The following YWHAH variants were observed in gnomAD, a reference collection of about 807,000 sequenced individuals.
The protein encoded by YWHAH is 14-3-3 protein eta.
Under a neutral mutation model 22.9 loss-of-function variants are expected in YWHAH, and 6 were observed. That is an observed-to-expected ratio of 0.26 (90% CI 0.14 to 0.52). The LOEUF is 0.52. YWHAH is among the 20% of genes least tolerant of loss of function. The probability of loss-of-function intolerance (pLI) is 0.97; values close to 1 mark genes in which losing one functional copy is unlikely to be tolerated. For synonymous variants in YWHAH, 135 were observed against 124.5 expected (o/e 1.08, Z -0.56); for missense variants, 173 against 308.6 (o/e 0.56, Z 3.29).
At chr22:31,945,762 C>T in intron 1 of YWHAH, 1 of 1,086,158 alleles carries the variant, frequency 9.2e-7, no homozygotes, top group Non-Finnish European at 1.2e-6. Flanking sequence ...AGTGTACAAC[C>T]TCCTGAGACC....
rs918146201 is a variant in YWHAH, at chr22:31,955,787, T to C, written c.88-352T>C. Among the ~76,000 whole-genome samples, 3 of 152,274 alleles carry C rather than the reference T, an allele frequency of 2.0e-5. No individual in the cohort carries two copies. The East Asian group carries it at 5.8e-4, about 29-fold the overall frequency. ...GAATGGCTGAAGCTCGAGGTTTTCTTCTTCACCATTATGTACTGCTGCTGT... is the reference window on the plus strand; with the variant it reads ...GAATGGCTGAAGCTCGAGGTTTTCTCCTTCACCATTATGTACTGCTGCTGT... On this transcript the variant is annotated intron_variant, in intron 1 of 1. Transcript: ENST00000248975.
chr22:31,945,562 C>G (rs748034718), intron 1 of YWHAH: 1 of 1,304,160 alleles, frequency 7.7e-7, no homozygotes, highest in South Asian at 1.2e-5. Flanking sequence ...TGCAGCTTCT[C>G]CGGTGGATGA....
Position 31,956,835 on chromosome 22 carries a change from C to T in YWHAH, c.*43C>T. The T allele has an allele frequency of 1.3e-6, 2 of 1,514,136 alleles. No individual in the cohort carries two copies. Among genetic ancestry groups the T allele is most frequent in the Non-Finnish European group, 1.8e-6 (2 of 1,131,142 alleles). 93.8% of individuals were successfully genotyped at this position (1,514,136 alleles called of 1,614,324 possible). On this transcript the variant is annotated 3_prime_UTR_variant, in exon 2 of 2. Coordinates refer to ENST00000248975, the MANE Select transcript of YWHAH (RefSeq NM_003405.4). The surrounding 1 kb of genome is among the most constrained non-coding windows in gnomAD (Gnocchi z 5.1). ...TGGCCCTTCCTTCACCCACCACCCC[C>T]ATCATCACCGATTCTTCCTTGCCAC...
rs1383434143 is a variant in YWHAH at position 31,944,601 on chromosome 22, GCCT to G, written c.-130_-128del. 3 of 572,604 alleles carry G rather than the reference GCCT, an allele frequency of 5.2e-6. No homozygotes were observed. Among genetic ancestry groups the G allele is most frequent in the African/African-American group, 4.0e-5 (2 of 49,874 alleles). 35.5% of individuals were successfully genotyped at this position (572,604 alleles called of 1,614,324 possible). On this transcript the variant is annotated 5_prime_UTR_variant, in exon 1 of 2. Coordinates refer to ENST00000248975, the MANE Select transcript of YWHAH (RefSeq NM_003405.4). Reference sequence around the variant, plus strand: ...CGCTGCCTGCAGCCTGCAGCCTGCAGCCTCCGGCCGGCCGGCGAGCCAGTGCGC... The same window carrying G: ...CGCTGCCTGCAGCCTGCAGCCTGCAGCCGGCCGGCCGGCGAGCCAGTGCGC...
intron 1 of YWHAH, among the ~76,000 whole-genome samples, chr22:31,946,438 C>G (rs5998187): frequency 1.9e-3 from 294 of 152,292 alleles, no homozygotes; most frequent in African/African-American, 6.7e-3. Context: ...AGCCCCTCCT[C>G]CCCAGTAACT....
chr22:31,952,202 G>C (rs1372388036), intron 1 of YWHAH, among the ~76,000 whole-genome samples: 1 of 152,232 alleles, frequency 6.6e-6, no homozygotes, highest in Non-Finnish European at 1.5e-5. Context: ...AGATTTTGCA[G>C]ATGATCTTAG....
In YWHAH at chr22:31,956,841, C is replaced by T. The variant is rs1456434334; in HGVS notation, c.*49C>T. 2.9e-5 allele frequency: 43 copies of T among 1,506,394 alleles called. No individual in the cohort carries two copies. Among genetic ancestry groups the T allele is most frequent in the Non-Finnish European group, 3.5e-5 (40 of 1,127,306 alleles). The allele number at this position is 1,506,394 out of a possible 1,614,324, so 93.3% of individuals were successfully genotyped here. A position where few individuals can be genotyped will look rare whatever the true frequency, so the allele number is the denominator to read the frequency against. On this transcript the variant is annotated 3_prime_UTR_variant, in exon 2 of 2. Transcript: ENST00000248975. The surrounding 1 kb of genome is among the most constrained non-coding windows in gnomAD (Gnocchi z 5.1). ...TTCCTTCACCCACCACCCCCATCAT[C>T]ACCGATTCTTCCTTGCCACAATCAC...
intron 1 of YWHAH, among the ~76,000 whole-genome samples, chr22:31,952,848 T>C (rs2093845071): frequency 6.6e-6 from 1 of 152,218 alleles, no homozygotes; most frequent in African/African-American, 2.4e-5. Context: ...ACACCTTTTA[T>C]TGGTGCACAG....
At position 31,956,576 on chromosome 22, in the gene YWHAH, G is replaced by A. The variant is rs1569277257; in HGVS notation, c.525G>A (p.Leu175=). Residue 175 remains leucine (L), a synonymous_variant, in exon 2 of 2, where the codon CTG becomes CTA. Transcript: ENST00000248975. This position sits in a 1 kb window ranked among gnomAD's most constrained non-coding sequence, Gnocchi z 5.1. The part of the protein sequence containing the change: ...MQPTHPIRLG[L]ALNFSVFYYE... Reference sequence around the variant, plus strand: ...CCACGCATCCCATCCGGCTGGGCCTGGCCCTCAACTTCTCCGTGTTCTACT... The same window carrying A: ...CCACGCATCCCATCCGGCTGGGCCTAGCCCTCAACTTCTCCGTGTTCTACT... 1 of 1,614,148 alleles carries A rather than the reference G, an allele frequency of 6.2e-7. No individual in the cohort carries two copies. The highest frequency in any genetic ancestry group is 1.7e-5 in the Admixed American group (1 of 60,026).
At chr22:31,951,749 A>G (rs2093843574) in intron 1 of YWHAH, among the ~76,000 whole-genome samples, 1 of 152,144 alleles carries the variant, frequency 6.6e-6, no homozygotes, top group African/African-American at 2.4e-5. Context: ...AAAATGTGTG[A>G]AGTGAGTGCC....
At position 31,944,661 on chromosome 22, in the gene YWHAH, G is replaced by A. The variant is rs2093830462; in HGVS notation, c.-73G>A. ...GGCGGCGGCCTCCGCAGCGACCGGG[G>A]AGCGGACTGACCGGCGGGAGGGCTA... On this transcript the variant is annotated 5_prime_UTR_variant, in exon 1 of 2. Coordinates refer to ENST00000248975, the MANE Select transcript of YWHAH (RefSeq NM_003405.4). 19 of 1,177,462 alleles carry A rather than the reference G, an allele frequency of 1.6e-5. No homozygotes were observed. Among genetic ancestry groups the A allele is most frequent in the Middle Eastern group, 3.3e-4 (1 of 3,074 alleles). The allele number at this position is 1,177,462 out of a possible 1,614,324, so 72.9% of individuals were successfully genotyped here.
At chr22:31,949,306 G>A (rs1212521255) in intron 1 of YWHAH, among the ~76,000 whole-genome samples, 5 of 150,882 alleles carry the variant, frequency 3.3e-5, no homozygotes, top group African/African-American at 7.3e-5. Context: ...TGCCATGCCC[G>A]CCTAATTTTG....
At chr22:31,945,451 T>G (rs1052040073) in intron 1 of YWHAH, 1 of 1,303,920 alleles carries the variant, frequency 7.7e-7, no homozygotes, top group African/African-American at 1.5e-5. Flanking sequence ...AGCCCCAGGT[T>G]TGCTGCTGCG....
chr22:31,953,706 T>A (rs1301066803), intron 1 of YWHAH, among the ~76,000 whole-genome samples: 1 of 152,122 alleles, frequency 6.6e-6, no homozygotes, highest in Non-Finnish European at 1.5e-5. Flanking sequence ...AGACTACTAA[T>A]GAATATGTGA....
intron 1 of YWHAH, chr22:31,945,179 CG>C: frequency 4.5e-6 from 5 of 1,116,088 alleles, no homozygotes; most frequent in Admixed American, 4.4e-5. Flanking sequence ...TCACCGGACC[CG>C]GGGGCTCCCC....
At chr22:31,948,616 C>T (rs1410627947) in intron 1 of YWHAH, among the ~76,000 whole-genome samples, 3 of 152,128 alleles carry the variant, frequency 2.0e-5, no homozygotes, top group Non-Finnish European at 4.4e-5. Context: ...CTCAAGCAGT[C>T]CTCCTGCCTC....
At chr22:31,950,178 T>C (rs2093841339) in intron 1 of YWHAH, 2 of 515,374 alleles carry the variant, frequency 3.9e-6, no homozygotes, top group Middle Eastern at 3.6e-4. Context: ...TGTTACATTT[T>C]ATTTGGGGTA....
chr22:31,951,671 A>G (rs1170159055), intron 1 of YWHAH, among the ~76,000 whole-genome samples: 1 of 152,176 alleles, frequency 6.6e-6, no homozygotes, highest in Non-Finnish European at 1.5e-5. Flanking sequence ...ATAGGAAGAT[A>G]AGTGAATGAT....
At position 31,954,907 on chromosome 22, in the gene YWHAH, C is replaced by A. The variant is rs3788446; in HGVS notation, c.88-1232C>A. Among the ~76,000 whole-genome samples the A allele has an allele frequency of 1.2e-3, 179 of 152,346 alleles. 4 individuals carry two copies. In the East Asian group the frequency reaches 0.03, roughly 26 times the overall value. On this transcript the variant is annotated intron_variant, in intron 1 of 1. Transcript: ENST00000248975. ...TCACAGGAACCTAGGGTCAGAACTT[C>A]AGCGTATCTTTTGGCGGGGGATACA...
Sources: allele counts gnomAD v4.1 joint callset (sites outside exome capture counted in the v4.1 genomes callset), GRCh38; gene constraint gnomAD v4.1.1; non-coding constraint Gnocchi (gnomAD v3.1); transcripts MANE v1.5; gene names NCBI Gene and HGNC (gene_info 2026-07-23, HGNC 2026-07-21).